Variants in MDGA2 observed in about 807,000 individuals in gnomAD.
The protein encoded by MDGA2 is MAM domain containing glycosylphosphatidylinositol anchor 2.
A neutral mutation model predicts 117.8 loss-of-function variants in MDGA2; 40 were observed. The ratio of observed to expected loss-of-function variants is 0.34; its 90% CI spans 0.26 to 0.44. The LOEUF is 0.44. MDGA2 is among the 20% of genes least tolerant of loss of function. The probability of loss-of-function intolerance (pLI) is 1.00; values close to 1 mark genes in which losing one functional copy is unlikely to be tolerated. For synonymous variants in MDGA2, 452 were observed against 439.0 expected (o/e 1.03, Z -0.37); for missense variants, 1,123 against 1,250.6 (o/e 0.90, Z 1.54).
At chr14:46,915,164 A>T (rs1281163259) in intron 10 of MDGA2, among the ~76,000 whole-genome samples, 5 of 152,192 alleles carry the variant, frequency 3.3e-5, no homozygotes. Flanking sequence ...CTTCATTAAA[A>T]TAATAAACAG....
At chr14:47,013,958 G>A (rs1273442634) in intron 8 of MDGA2, among the ~76,000 whole-genome samples, 1 of 151,164 alleles carries the variant, frequency 6.6e-6, no homozygotes, top group African/African-American at 2.4e-5. Context: ...ACCACGCCTA[G>A]CTAATTTTGT....
chr14:47,216,051 G>A (rs919773783), intron 3 of MDGA2, among the ~76,000 whole-genome samples: 1 of 152,088 alleles, frequency 6.6e-6, no homozygotes, highest in African/African-American at 2.4e-5. Context: ...ATTATTTCCA[G>A]TAAGGTGTGT....
intron 1 of MDGA2, among the ~76,000 whole-genome samples, chr14:47,357,544 A>G (rs1185591892): frequency 2.6e-5 from 4 of 152,180 alleles, no homozygotes; most frequent in Admixed American, 2.0e-4. Flanking sequence ...AGGTTAACGT[A>G]AAAGAAATAT....
intron 8 of MDGA2, among the ~76,000 whole-genome samples, chr14:46,986,708 C>G (rs1029086635): frequency 6.6e-6 from 1 of 152,088 alleles, no homozygotes; most frequent in Non-Finnish European, 1.5e-5. Flanking sequence ...TATAAACACA[C>G]TGGCAAATTG....
chr14:46,894,408 A>C (rs1882999895), intron 10 of MDGA2, among the ~76,000 whole-genome samples: 1 of 151,258 alleles, frequency 6.6e-6, no homozygotes, highest in Non-Finnish European at 1.5e-5. Flanking sequence ...TTCCTTTAGA[A>C]ATTTATAAAT....
chr14:47,271,313 C>G (rs1888136261), intron 2 of MDGA2, among the ~76,000 whole-genome samples: 2 of 152,162 alleles, frequency 1.3e-5, no homozygotes, highest in Admixed American at 1.3e-4. Context: ...TTCCCCACAA[C>G]TAATTTTGAA....
chr14:47,544,313 A>G (rs1168331367), intron 1 of MDGA2, among the ~76,000 whole-genome samples: 1 of 152,224 alleles, frequency 6.6e-6, no homozygotes, highest in African/African-American at 2.4e-5. Context: ...AAGGTAAAAT[A>G]TACAATTTTC....
At chr14:47,623,025 A>T (rs1897078121) in intron 1 of MDGA2, among the ~76,000 whole-genome samples, 1 of 152,202 alleles carries the variant, frequency 6.6e-6, no homozygotes, top group South Asian at 2.1e-4. Context: ...CCCCAACGCA[A>T]TAGTGTTGAG....
intron 3 of MDGA2, among the ~76,000 whole-genome samples, chr14:47,149,111 T>C (rs1883062908): frequency 6.6e-6 from 1 of 152,026 alleles, no homozygotes; most frequent in African/African-American, 2.4e-5. Flanking sequence ...GCCAACATGG[T>C]GAAACCCATC....
chr14:46,859,410 T>C (rs1035978347), intron 14 of MDGA2, among the ~76,000 whole-genome samples: 1 of 152,210 alleles, frequency 6.6e-6, no homozygotes, highest in Non-Finnish European at 1.5e-5. Context: ...ATACAGACTT[T>C]TGGATTCAAC....
At position 46,903,925 on chromosome 14, in the gene MDGA2, T is replaced by A. The variant is rs954629439; in HGVS notation, c.2238+16087A>T. On this transcript the variant is annotated intron_variant, in intron 10 of 16. Transcript: ENST00000399232. ...TTTCTGTATGTTCATCAAATTTGAA[T>A]TGTCAAATCCAGTTCACATTATAAA... Among the ~76,000 whole-genome samples, 2 of 152,226 alleles carry A rather than the reference T, an allele frequency of 1.3e-5. 1 individual carries two copies. Among genetic ancestry groups the A allele is most frequent in the Admixed American group, 1.3e-4 (2 of 15,284 alleles).
chr14:47,030,589 A>T (rs1888629486), intron 8 of MDGA2, among the ~76,000 whole-genome samples: 1 of 152,168 alleles, frequency 6.6e-6, no homozygotes, highest in Admixed American at 6.5e-5. Flanking sequence ...ATTTTTAAAT[A>T]CTATGAATAA....
At chr14:47,555,805 T>C (rs1895671371) in intron 1 of MDGA2, among the ~76,000 whole-genome samples, 1 of 152,092 alleles carries the variant, frequency 6.6e-6, no homozygotes, top group African/African-American at 2.4e-5. Context: ...CTCGACCCTT[T>C]GGTAATTATT....
intron 1 of MDGA2, among the ~76,000 whole-genome samples, chr14:47,562,234 T>C (rs1895830622): frequency 6.6e-6 from 1 of 152,210 alleles, no homozygotes; most frequent in Admixed American, 6.5e-5. Context: ...AGCATGGTGC[T>C]GGCCTCATAG....
chr14:47,470,971 A>G (rs1014832117), intron 1 of MDGA2, among the ~76,000 whole-genome samples: 1 of 152,178 alleles, frequency 6.6e-6, no homozygotes, highest in African/African-American at 2.4e-5. Flanking sequence ...GGATTCACTT[A>G]TAAGTGTTAT....
intron 3 of MDGA2, among the ~76,000 whole-genome samples, chr14:47,204,052 G>C (rs1235530657): frequency 6.6e-6 from 1 of 151,938 alleles, no homozygotes; most frequent in African/African-American, 2.4e-5. Context: ...AATTAGAAAT[G>C]AGCATATACA....
In MDGA2 at chr14:47,455,365, C is replaced by T. The variant is rs548651225; in HGVS notation, c.281-153815G>A. On this transcript the variant is annotated intron_variant, in intron 1 of 16. Transcript: ENST00000399232. ...CACTAAAAATACAAAAACTAGCTGGCTGTGGTGGCACACGACTGTAATCCC... is the reference window on the plus strand; with the variant it reads ...CACTAAAAATACAAAAACTAGCTGGTTGTGGTGGCACACGACTGTAATCCC... Among the ~76,000 whole-genome samples the T allele has an allele frequency of 2.0e-3, 311 of 152,010 alleles. 1 individual carries two copies. The highest frequency in any genetic ancestry group is 7.9e-3 in the Admixed American group (121 of 15,266).
At chr14:47,260,322 T>C (rs867074250) in intron 2 of MDGA2, among the ~76,000 whole-genome samples, 2 of 152,044 alleles carry the variant, frequency 1.3e-5, no homozygotes, top group South Asian at 2.1e-4. Context: ...TAATCAAATT[T>C]TGTGTGCTCA....
intron 1 of MDGA2, among the ~76,000 whole-genome samples, chr14:47,601,726 C>T (rs1447825921): frequency 6.6e-6 from 1 of 152,072 alleles, no homozygotes; most frequent in Non-Finnish European, 1.5e-5. Flanking sequence ...ATTTCAGTGG[C>T]ATCTGAGACA....
Sources: gnomAD v4.1 joint callset for allele counts (sites outside exome capture counted in the v4.1 genomes callset) on GRCh38, gnomAD v4.1.1 for gene constraint, MANE v1.5 for transcripts, NCBI Gene and HGNC (gene_info 2026-07-23, HGNC 2026-07-21) for gene names.